The following MYO18A variants were observed in gnomAD, a reference collection of about 807,000 sequenced individuals.
MYO18A encodes the protein unconventional myosin-XVIIIa.
MYO18A carries 78 observed loss-of-function variants against 235.8 expected under a neutral mutation model. The observed-to-expected ratio is 0.33, with a 90% CI of 0.28 to 0.40. The LOEUF (loss-of-function observed/expected upper bound fraction) is 0.40. Ranked by LOEUF, MYO18A falls within the 10% of genes least tolerant of loss-of-function variation. The probability of loss-of-function intolerance (pLI) is 1.00; values close to 1 mark genes in which losing one functional copy is unlikely to be tolerated. For missense variants in MYO18A, 2,215 were observed against 2,699.3 expected (o/e 0.82, Z 3.98); for synonymous variants, 977 against 1,077.8 (o/e 0.91, Z 1.83).
chr17:29,138,063 C>T (rs549769813), intron 2 of MYO18A, among the ~76,000 whole-genome samples: 1 of 152,266 alleles, frequency 6.6e-6, no homozygotes, highest in South Asian at 2.1e-4. Flanking sequence ...GTTTACCCTC[C>T]ACCATGCCAG....
intron 2 of MYO18A, among the ~76,000 whole-genome samples, chr17:29,129,490 C>T (rs2067408668): frequency 1.3e-5 from 2 of 152,220 alleles, no homozygotes; most frequent in South Asian, 4.1e-4. Context: ...GCCAGGCTGG[C>T]TAACGGCAGG....
intron 41 of MYO18A, chr17:29,078,199 T>C (rs2066031917): frequency 6.6e-6 from 1 of 152,222 alleles, no homozygotes; most frequent in Non-Finnish European, 1.5e-5. Flanking sequence ...GTATTTTTAG[T>C]AGAGACGGGG....
Position 29,111,622 on chromosome 17 carries a change from C to T in MYO18A, c.2741-39G>A, listed in dbSNP as rs770297472. The T allele has an allele frequency of 6.2e-7, 1 of 1,613,194 alleles. No individual in the cohort carries two copies. Among genetic ancestry groups the T allele is most frequent in the Non-Finnish European group, 8.5e-7 (1 of 1,179,412 alleles). ...AAGCAAGATTTAGGTCGTCAGGGTA[C>T]AGGCACAAAGTGACCCCCGCCCCCT... On this transcript the variant is annotated intron_variant, in intron 16 of 41. Transcript: ENST00000527372. The surrounding 1 kb of genome is among the most constrained non-coding windows in gnomAD (Gnocchi z 5.1).
intron 2 of MYO18A, among the ~76,000 whole-genome samples, chr17:29,127,388 T>C (rs1234619729): frequency 1.3e-5 from 2 of 152,232 alleles, no homozygotes; most frequent in African/African-American, 4.8e-5. Flanking sequence ...AGAAGAAATT[T>C]TGGACCTGTA....
chr17:29,093,540 C>T lies in MYO18A; in HGVS notation c.4822-113G>A, dbSNP rs569248895. On this transcript the variant is annotated intron_variant, in intron 31 of 41. Transcript: ENST00000527372. ...GAAAACAGTGGGGCAGGCCTGAGCA[C>T]AATGATGTTGGTGGAGGGGTCAGAA... The T allele has an allele frequency of 7.8e-5, 61 of 777,716 alleles. No homozygotes were observed. In the African/African-American group the frequency reaches 9.9e-4, roughly 13 times the overall value. The allele number at this position is 777,716 out of a possible 1,614,324, so 48.2% of individuals were successfully genotyped here.
intron 1 of MYO18A, among the ~76,000 whole-genome samples, chr17:29,176,223 A>T (rs1417666051): frequency 1.3e-5 from 2 of 152,172 alleles, no homozygotes; most frequent in African/African-American, 2.4e-5. Flanking sequence ...TAGGCAATCC[A>T]CCAGCAGTAA....
chr17:29,115,985 C>G (rs2067050178), intron 11 of MYO18A, 145 bp from the exon 12 acceptor site: 1 of 841,336 alleles, frequency 1.2e-6, no homozygotes, highest in Non-Finnish European at 1.8e-6. Context: ...AGAACAGGGG[C>G]AGCCAGCAGT....
At chr17:29,139,571 G>T (rs944828826) in intron 2 of MYO18A, among the ~76,000 whole-genome samples, 2 of 152,178 alleles carry the variant, frequency 1.3e-5, no homozygotes, top group African/African-American at 4.8e-5. Flanking sequence ...GCCAGCCCAC[G>T]TACTCTGCCA....
At chr17:29,173,391 CCTT>C (rs1283353753) in intron 1 of MYO18A, among the ~76,000 whole-genome samples, 1 of 145,596 alleles carries the variant, frequency 6.9e-6, no homozygotes, top group Non-Finnish European at 1.5e-5. Context: ...TGCGCCCGGC[CCTT>C]TTTTTTTTTT....
intron 32 of MYO18A, 85 bp downstream of exon 32, chr17:29,093,238 G>A (rs2066442233): frequency 3.9e-6 from 5 of 1,274,742 alleles, no homozygotes; most frequent in South Asian, 1.3e-5. Flanking sequence ...AGCTCTGTTC[G>A]TGGCTCCCCA....
chr17:29,112,777 T>C (rs749135887), intron 15 of MYO18A, among the ~76,000 whole-genome samples: 1 of 152,110 alleles, frequency 6.6e-6, no homozygotes, highest in Non-Finnish European at 1.5e-5. Context: ...ATTTTTCCTC[T>C]CTTTGACCCC....
At chr17:29,144,104 C>T (rs967825789) in intron 2 of MYO18A, among the ~76,000 whole-genome samples, 1 of 152,228 alleles carries the variant, frequency 6.6e-6, no homozygotes, top group Non-Finnish European at 1.5e-5. Flanking sequence ...GCTAGTCCCT[C>T]TGCTGCCCAA....
intron 2 of MYO18A, among the ~76,000 whole-genome samples, chr17:29,154,180 C>CAG (rs1244934832): frequency 6.6e-6 from 1 of 152,062 alleles, no homozygotes; most frequent in Non-Finnish European, 1.5e-5. Context: ...TGTCCTGCCA[C>CAG]AGAACCCAGT....
At position 29,126,033 on chromosome 17, in the gene MYO18A, G is replaced by T; in HGVS notation, c.1000-3780C>A. The T allele has an allele frequency of 1.1e-6, 1 of 912,582 alleles. No homozygotes were observed. Among genetic ancestry groups the T allele is most frequent in the Non-Finnish European group, 1.3e-6 (1 of 762,804 alleles). The allele number at this position is 912,582 out of a possible 1,614,324, so 56.5% of individuals were successfully genotyped here. A position where few individuals can be genotyped will look rare whatever the true frequency, so the allele number is the denominator to read the frequency against. On this transcript the variant is annotated intron_variant, in intron 2 of 41. Transcript: ENST00000527372. This position sits in a 1 kb window ranked among gnomAD's most constrained non-coding sequence, Gnocchi z 4.1. ...GAGGCCACAGCATGCGGAGCTCCCA[G>T]CCCAGGAAGCCACTGGGACCCACTA...
chr17:29,096,706 C>T, intron 28 of MYO18A, 55 bp downstream of exon 28: 1 of 1,496,256 alleles, frequency 6.7e-7, no homozygotes, highest in Non-Finnish European at 8.9e-7. Flanking sequence ...GGAGGCAGTC[C>T]TGTCTGTGGC....
intron 19 of MYO18A, 116 bp from the exon 20 acceptor site, chr17:29,107,305 G>A: frequency 1.1e-6 from 1 of 940,950 alleles, no homozygotes; most frequent in Non-Finnish European, 1.7e-6. Flanking sequence ...AAACTGCAGG[G>A]GGTGGGGAGC....
intron 41 of MYO18A, chr17:29,079,650 G>A (rs2066067519): frequency 2.1e-6 from 2 of 931,470 alleles, no homozygotes; most frequent in African/African-American, 1.8e-5. Context: ...CTAAGGTGGC[G>A]GCCTGAGGGG....
chr17:29,087,130 G>T lies in MYO18A; in HGVS notation c.5527-9C>A. The T allele has an allele frequency of 6.2e-7, 1 of 1,609,316 alleles. No individual in the cohort carries two copies. Among genetic ancestry groups the T allele is most frequent in the Non-Finnish European group, 8.5e-7 (1 of 1,176,902 alleles). On this transcript the variant is annotated splice_polypyrimidine_tract_variant and intron_variant, in intron 37 of 41. Coordinates refer to ENST00000527372, the MANE Select transcript of MYO18A (RefSeq NM_078471.4). The stretch of plus-strand genomic sequence containing the variant: ...AGACGGCTAGCCAGGCTCTGGATAG[G>T]TAGGTGGGGAAGAAAGACACAGCAG...
chr17:29,111,356 G>T lies in MYO18A; in HGVS notation c.2900+68C>A. 1.3e-6 allele frequency: 2 copies of T among 1,552,890 alleles called. No individual in the cohort carries two copies. Among genetic ancestry groups the T allele is most frequent in the Non-Finnish European group, 8.7e-7 (1 of 1,143,368 alleles). Reference sequence around the variant, plus strand: ...GAGGGGGCCTCTGAGACAACCCCAGGGGGAGGGAGCCCCAAAATCAAAACA... The same window carrying T: ...GAGGGGGCCTCTGAGACAACCCCAGTGGGAGGGAGCCCCAAAATCAAAACA... On this transcript the variant is annotated intron_variant, in intron 17 of 41. Coordinates refer to ENST00000527372, the MANE Select transcript of MYO18A (RefSeq NM_078471.4). The surrounding 1 kb of genome is among the most constrained non-coding windows in gnomAD (Gnocchi z 5.1).
Sources: allele counts gnomAD v4.1 joint callset (sites outside exome capture counted in the v4.1 genomes callset), GRCh38; gene constraint gnomAD v4.1.1; non-coding constraint Gnocchi (gnomAD v3.1); transcripts MANE v1.5; gene names NCBI Gene and HGNC (gene_info 2026-07-23, HGNC 2026-07-21).